TMEM255A: variants seen among roughly 807,000 people sequenced by gnomAD.
TMEM255A encodes transmembrane protein 255A, also known as family with sequence similarity 70, member A.
In TMEM255A, 14 loss-of-function variants were observed where a neutral mutation model predicts 23.5. The ratio of observed to expected loss-of-function variants is 0.60; its 90% CI spans 0.39 to 0.93. The LOEUF is 0.93. Among genes scored for constraint, TMEM255A ranks in the 40% least tolerant of loss-of-function variants. TMEM255A has a pLI of 0.00. For synonymous variants in TMEM255A, 104 were observed against 100.3 expected (o/e 1.04, Z -0.22); for missense variants, 233 against 261.7 (o/e 0.89, Z 0.76).
chrX:120,304,612 G>T, intron 1 of TMEM255A, 121 bp from the exon 2 acceptor site: 1 of 734,518 alleles, frequency 1.4e-6, no homozygotes, highest in Non-Finnish European at 2.0e-6. Flanking sequence ...GTTATCTTTG[G>T]TGGTGACGGG....
chrX:120,279,983 T>TCTTTC (rs1161203726), intron 6 of TMEM255A, among the ~76,000 whole-genome samples: 2 of 99,429 alleles, frequency 2.0e-5, no homozygotes, highest in Non-Finnish European at 4.0e-5. Context: ...TTCCTTCTTT[T>TCTTTC]CTTTCCTTTT....
chrX:120,259,721 AAAG>A lies in TMEM255A; in HGVS notation c.*1146_*1148del, dbSNP rs1556016232. On this transcript the variant is annotated 3_prime_UTR_variant, in exon 9 of 9. Transcript: ENST00000371369. ...GATGGTTTAAAGCTATGTGTAATTA[AAAG>A]AACTGTACAAATACCTACCACGGTG... 1.8e-5 allele frequency: 2 copies of A among 112,466 alleles called. No individual in the cohort carries two copies. The highest frequency in any genetic ancestry group is 3.2e-5 in the African/African-American group (1 of 30,812). 9.3% of individuals were successfully genotyped at this position (112,466 alleles called of 1,213,427 possible).
intron 5 of TMEM255A, 30 bp downstream of exon 5, chrX:120,287,124 G>A (rs1258878051): frequency 8.6e-7 from 1 of 1,169,277 alleles, no homozygotes; most frequent in Admixed American, 2.2e-5. Flanking sequence ...TTCCCAGGAG[G>A]TAAAGACATG....
chrX:120,286,158 TAATC>T (rs1214865693), intron 5 of TMEM255A, among the ~76,000 whole-genome samples: 3 of 112,170 alleles, frequency 2.7e-5, no homozygotes, highest in African/African-American at 6.5e-5. Flanking sequence ...GGCAGAGACA[TAATC>T]AAAGTATTTG....
intron 8 of TMEM255A, among the ~76,000 whole-genome samples, chrX:120,263,591 G>A (rs782740302): frequency 9.2e-4 from 103 of 111,861 alleles, no homozygotes; most frequent in African/African-American, 3.0e-3. Flanking sequence ...AAGAGCCCAG[G>A]AACTGGCTGG....
At chrX:120,278,208 G>A (rs988154890) in intron 6 of TMEM255A, among the ~76,000 whole-genome samples, 1 of 106,075 alleles carries the variant, frequency 9.4e-6, no homozygotes, top group Non-Finnish European at 1.9e-5. Flanking sequence ...GCACAGAGGG[G>A]AAGTGGCACA....
the TMEM255A span, chrX:120,253,379 A>G: frequency 8.8e-7 from 1 of 1,136,630 alleles, no homozygotes; most frequent in East Asian, 3.0e-5. Context: ...TTTCTCTCTA[A>G]TCCTCTCCCA....
chrX:120,297,455 A>G (rs2058004536), intron 2 of TMEM255A, among the ~76,000 whole-genome samples: 1 of 108,234 alleles, frequency 9.2e-6, no homozygotes, highest in African/African-American at 3.4e-5. Context: ...ACTAATACGT[A>G]TTGAGTCATG....
intron 7 of TMEM255A, among the ~76,000 whole-genome samples, chrX:120,268,684 T>C (rs2057733601): frequency 8.9e-6 from 1 of 111,818 alleles, no homozygotes; most frequent in Non-Finnish European, 1.9e-5. Flanking sequence ...CTATTAACTG[T>C]GGTTTATCTC....
At chrX:120,296,915 ATT>A (rs2057982829) in intron 2 of TMEM255A, among the ~76,000 whole-genome samples, 1 of 2,215 alleles carries the variant, frequency 4.5e-4, no homozygotes, top group Non-Finnish European at 6.9e-4. Context: ...TTATATATAT[ATT>A]ATATATAATA....
intron 1 of TMEM255A, among the ~76,000 whole-genome samples, chrX:120,310,631 G>T (rs2058092991): frequency 9.1e-6 from 1 of 109,292 alleles, no homozygotes; most frequent in Admixed American, 9.6e-5. Context: ...GCTGCAGAGG[G>T]CAGGGCTGGG....
intron 1 of TMEM255A, among the ~76,000 whole-genome samples, chrX:120,306,198 A>C (rs1422302563): frequency 9.0e-6 from 1 of 111,093 alleles, no homozygotes; most frequent in Non-Finnish European, 1.9e-5. Flanking sequence ...GGGCCCTTTC[A>C]TGACAGGGCT....
chrX:120,258,791 G>A lies in TMEM255A; in HGVS notation c.*2079C>T, dbSNP rs1277026252. The A allele has an allele frequency of 1.8e-5, 2 of 112,736 alleles. No homozygotes were observed. The highest frequency in any genetic ancestry group is 2.8e-4 in the East Asian group (1 of 3,633). 9.3% of individuals were successfully genotyped at this position (112,736 alleles called of 1,213,427 possible). A position where few individuals can be genotyped will look rare whatever the true frequency, so the allele number is the denominator to read the frequency against. On this transcript the variant is annotated 3_prime_UTR_variant, in exon 9 of 9. Coordinates refer to ENST00000371369, the MANE Select transcript of TMEM255A (RefSeq NM_001104544.3). Reference sequence around the variant, plus strand: ...ATTTTAATGTTTCATGCCCAGTTCAGTACTTTAAAGCAGAATTAGGAATAA... The same window carrying A: ...ATTTTAATGTTTCATGCCCAGTTCAATACTTTAAAGCAGAATTAGGAATAA...
At position 120,263,377 on chromosome X, in the gene TMEM255A, G is replaced by A. The variant is rs782158773; in HGVS notation, c.820-2349C>T. ...GGCCTAGTCAGCTCCAGCTTCCTGAGCGGCTTCTTAGAGGCTGGGGTGGCC... is the reference window on the plus strand; with the variant it reads ...GGCCTAGTCAGCTCCAGCTTCCTGAACGGCTTCTTAGAGGCTGGGGTGGCC... On this transcript the variant is annotated intron_variant, in intron 8 of 8. Transcript: ENST00000371369. Among the ~76,000 whole-genome samples, 335 of 112,321 alleles carry A rather than the reference G, an allele frequency of 3.0e-3. 1 individual carries two copies. Among genetic ancestry groups the A allele is most frequent in the Middle Eastern group, 0.018 (4 of 218 alleles).
chrX:120,274,555 G>T (rs1352985691), intron 7 of TMEM255A, among the ~76,000 whole-genome samples: 2 of 111,144 alleles, frequency 1.8e-5, no homozygotes, highest in Non-Finnish European at 3.8e-5. Flanking sequence ...TTTCTTGAAA[G>T]TGTCCATCTA....
intron 1 of TMEM255A, among the ~76,000 whole-genome samples, chrX:120,305,846 C>T (rs1188246006): frequency 9.0e-6 from 1 of 111,247 alleles, no homozygotes; most frequent in Non-Finnish European, 1.9e-5. Flanking sequence ...GAGTATCACC[C>T]GGGCTTAACC....
chrX:120,255,574 T>C (rs1004993482), downstream of TMEM255A: 29 of 573,704 alleles, frequency 5.1e-5, no homozygotes, highest in African/African-American at 6.1e-4. Flanking sequence ...TTTTTGTTGA[T>C]AATTTTTAGA....
intron 6 of TMEM255A, among the ~76,000 whole-genome samples, chrX:120,280,931 T>C (rs1363693703): frequency 2.7e-5 from 3 of 112,513 alleles, no homozygotes; most frequent in Non-Finnish European, 5.6e-5. Context: ...AATAGTGCCT[T>C]CTTCAAAGAC....
chrX:120,279,648 G>T (rs2057823386), intron 6 of TMEM255A, among the ~76,000 whole-genome samples: 1 of 112,466 alleles, frequency 8.9e-6, no homozygotes, highest in Admixed American at 9.4e-5. Flanking sequence ...TGACTCTGAA[G>T]TCAGACTGTG....
Sources: allele counts gnomAD v4.1 joint callset (sites outside exome capture counted in the v4.1 genomes callset), GRCh38; gene constraint gnomAD v4.1.1; transcripts MANE v1.5; gene names NCBI Gene and HGNC (gene_info 2026-07-23, HGNC 2026-07-21).